CHKA: variants seen among roughly 807,000 people sequenced by gnomAD.
The protein encoded by CHKA is choline kinase alpha.
CHKA carries 34 observed loss-of-function variants against 60.1 expected under a neutral mutation model. The ratio of observed to expected loss-of-function variants is 0.57; its 90% CI spans 0.43 to 0.75. The LOEUF (loss-of-function observed/expected upper bound fraction) is 0.75, where lower values mean the gene tolerates loss of function less well. Among genes scored for constraint, CHKA ranks in the 30% least tolerant of loss-of-function variants. CHKA has a pLI of 0.00. For synonymous variants in CHKA, 217 were observed against 223.1 expected, an observed-to-expected ratio of 0.97 and a Z score of 0.24; for missense variants, 563 against 561.3, an observed-to-expected ratio of 1.00 and a Z score of -0.03.
intron 1 of CHKA, among the ~76,000 whole-genome samples, chr11:68,119,210 G>C (rs1184415552): frequency 1.3e-5 from 2 of 152,160 alleles, no homozygotes; most frequent in Non-Finnish European, 2.9e-5. Context: ...TCTTTTCTCT[G>C]CTTCCTTACC....
intron 2 of CHKA, among the ~76,000 whole-genome samples, chr11:68,086,980 C>T (rs923403657): frequency 1.2e-4 from 4 of 32,148 alleles, no homozygotes; most frequent in African/African-American, 2.1e-4. Flanking sequence ...AGCGAGACTC[C>T]GTCTCAAAAA....
At chr11:68,078,544 G>A (rs1017358327) in intron 3 of CHKA, among the ~76,000 whole-genome samples, 1 of 152,208 alleles carries the variant, frequency 6.6e-6, no homozygotes, top group Non-Finnish European at 1.5e-5. Flanking sequence ...GTTGAGAATG[G>A]AACAAGGGGT....
chr11:68,077,079 A>G (rs1001511230), intron 3 of CHKA, among the ~76,000 whole-genome samples: 6 of 152,076 alleles, frequency 3.9e-5, no homozygotes, highest in Non-Finnish European at 7.4e-5. Flanking sequence ...CTCTACCAAA[A>G]AAGTATAAAA....
chr11:68,082,742 G>T (rs1184955180), intron 2 of CHKA, among the ~76,000 whole-genome samples: 2 of 152,154 alleles, frequency 1.3e-5, no homozygotes, highest in Non-Finnish European at 2.9e-5. Flanking sequence ...ATTTGCAAAA[G>T]GCTCTTAACG....
chr11:68,059,887 G>A (rs989420408), intron 11 of CHKA, among the ~76,000 whole-genome samples: 3 of 152,168 alleles, frequency 2.0e-5, no homozygotes, highest in African/African-American at 7.2e-5. Flanking sequence ...GAACATGCAT[G>A]AGGCCAGGCT....
intron 1 of CHKA, among the ~76,000 whole-genome samples, chr11:68,102,979 A>G (rs950755467): frequency 9.2e-5 from 14 of 151,970 alleles, no homozygotes; most frequent in Non-Finnish European, 1.8e-4. Flanking sequence ...GTTTAAAAAA[A>G]AAAAAATATA....
chr11:68,073,411 T>C (rs1856686224), intron 4 of CHKA, among the ~76,000 whole-genome samples: 1 of 152,166 alleles, frequency 6.6e-6, no homozygotes, highest in Non-Finnish European at 1.5e-5. Context: ...CCCAGCACTT[T>C]GGGAGGCCAA....
intron 1 of CHKA, among the ~76,000 whole-genome samples, chr11:68,097,852 C>T (rs899852791): frequency 9.9e-5 from 15 of 152,154 alleles, no homozygotes; most frequent in Admixed American, 9.2e-4. Context: ...TAATCACACA[C>T]CAAGTAAGTA....
chr11:68,081,683 C>A (rs576388261), intron 2 of CHKA: 47 of 460,436 alleles, frequency 1.0e-4, no homozygotes, highest in Middle Eastern at 5.8e-4. Context: ...AGGGATGTGC[C>A]GGTGAGACCC....
rs1183586190 is a variant in CHKA, at chr11:68,066,524, A to C, written c.929-8T>G. ...CCAGCAACAAGATATTACCTGCAAA[A>C]GGTTTGGATAACATGGTTTATGTTT... On this transcript the variant is annotated splice_polypyrimidine_tract_variant and splice_region_variant and intron_variant, in intron 7 of 11. Coordinates refer to ENST00000265689, the MANE Select transcript of CHKA (RefSeq NM_001277.3). 8 of 1,608,734 alleles carry C rather than the reference A, an allele frequency of 5.0e-6. No individual in the cohort carries two copies. Among genetic ancestry groups the C allele is most frequent in the Non-Finnish European group, 6.0e-6 (7 of 1,175,116 alleles).
chr11:68,091,080 G>A (rs1421939891), intron 2 of CHKA, among the ~76,000 whole-genome samples: 1 of 152,208 alleles, frequency 6.6e-6, no homozygotes. Context: ...ACGTTGCAGA[G>A]CTCATGTTCC....
At position 68,070,849 on chromosome 11, in the gene CHKA, T is replaced by C. The variant is rs143616553; in HGVS notation, c.639A>G (p.Arg213=). The C allele has an allele frequency of 4.7e-5, 76 of 1,607,898 alleles. No individual in the cohort carries two copies. In the Middle Eastern group the frequency reaches 2.7e-3, roughly 56 times the overall value. The change falls in exon 5 of 12, where the codon CGA becomes CGG. Residue 213 remains arginine, a synonymous_variant. Transcript: ENST00000265689. ...GCAAACTTAATTCTTCAGTATCTAATCGCCGGCTCTGAAAAAGAAAAGGGA... is the reference window on the plus strand; with the variant it reads ...GCAAACTTAATTCTTCAGTATCTAACCGCCGGCTCTGAAAAAGAAAAGGGA... ...GRLEQFIPSR[R]LDTEELSLPD... is the part of the protein sequence containing the mutation.
At chr11:68,080,636 G>A (rs923651768) in intron 3 of CHKA, among the ~76,000 whole-genome samples, 8 of 152,142 alleles carry the variant, frequency 5.3e-5, no homozygotes, top group African/African-American at 9.7e-5. Flanking sequence ...GTGAGCCACC[G>A]CATTCAGCCT....
At chr11:68,119,966 T>C (rs796920009) in intron 1 of CHKA, among the ~76,000 whole-genome samples, 146 of 152,276 alleles carry the variant, frequency 9.6e-4, no homozygotes, top group African/African-American at 3.4e-3. Flanking sequence ...CGGTGGCTCA[T>C]GCCTGTAATC....
chr11:68,114,893 T>A (rs1260156380), intron 1 of CHKA, among the ~76,000 whole-genome samples: 2 of 151,922 alleles, frequency 1.3e-5, no homozygotes, highest in African/African-American at 4.8e-5. Flanking sequence ...GAAAGAGGGA[T>A]AAACAGACAT....
chr11:68,088,084 G>A (rs959518377), intron 2 of CHKA, among the ~76,000 whole-genome samples: 1 of 121,610 alleles, frequency 8.2e-6, no homozygotes, highest in Non-Finnish European at 1.6e-5. Context: ...TTGCACTCTA[G>A]CTTGGGCGAC....
chr11:68,115,457 G>T (rs780288204), intron 1 of CHKA, among the ~76,000 whole-genome samples: 36 of 152,336 alleles, frequency 2.4e-4, no homozygotes, highest in Non-Finnish European at 8.8e-5. Context: ...GGTGGGGGAA[G>T]TTGAGAAAGG....
At chr11:68,104,313 T>C (rs556016802) in intron 1 of CHKA, among the ~76,000 whole-genome samples, 10 of 152,230 alleles carry the variant, frequency 6.6e-5, no homozygotes, top group African/African-American at 2.4e-4. Context: ...GAATAGTGCT[T>C]ACCAGAGGCG....
rs1856987293 is a variant in CHKA, at chr11:68,081,499, A to G, written c.463-42T>C. 3 of 1,495,292 alleles carry G rather than the reference A, an allele frequency of 2.0e-6. No individual in the cohort carries two copies. The East Asian group carries it at 6.8e-5, about 34-fold the overall frequency. The allele number at this position is 1,495,292 out of a possible 1,614,324, so 92.6% of individuals were successfully genotyped here. ...GGAAACACTTCTGGTGAGATGGGGA[A>G]CACTAAACAGACACTAACTTTGCAA... On this transcript the variant is annotated intron_variant, in intron 2 of 11. Coordinates refer to ENST00000265689, the MANE Select transcript of CHKA (RefSeq NM_001277.3).
Sources: allele counts gnomAD v4.1 joint callset (sites outside exome capture counted in the v4.1 genomes callset), GRCh38; gene constraint gnomAD v4.1.1; transcripts MANE v1.5; gene names NCBI Gene and HGNC (gene_info 2026-07-23, HGNC 2026-07-21).